The following SNCAIP variants were observed in gnomAD, a reference collection of about 807,000 sequenced individuals.
SNCAIP encodes synuclein alpha interacting protein.
SNCAIP carries 43 observed loss-of-function variants against 86.7 expected under a neutral mutation model. The observed-to-expected ratio is 0.50, with a 90% CI of 0.39 to 0.64. SNCAIP has a LOEUF of 0.64. Ranked by LOEUF, SNCAIP falls within the 30% of genes least tolerant of loss-of-function variation. The pLI is 0.00. For missense variants in SNCAIP, 981 were observed against 1,103.1 expected (o/e 0.89, Z 1.57); for synonymous variants, 417 against 427.2 (o/e 0.98, Z 0.29).
intron 1 of SNCAIP, among the ~76,000 whole-genome samples, chr5:122,369,270 G>A (rs1763804300): frequency 6.6e-6 from 1 of 152,192 alleles, no homozygotes; most frequent in South Asian, 2.1e-4. Flanking sequence ...ATGCCCAAAT[G>A]AAGGCAGTAT....
At chr5:122,373,575 G>A (rs776968613) in intron 1 of SNCAIP, among the ~76,000 whole-genome samples, 20 of 152,278 alleles carry the variant, frequency 1.3e-4, no homozygotes, top group Middle Eastern at 3.4e-3. Flanking sequence ...CATGAGCATC[G>A]TGGGAAACAC....
chr5:122,452,917 C>G (rs1784002781), intron 10 of SNCAIP: 1 of 1,539,052 alleles, frequency 6.5e-7, no homozygotes, highest in Non-Finnish European at 8.8e-7. Context: ...TTAATTGCAC[C>G]TCTCTAGGAA....
At chr5:122,463,432 G>T in intron 10 of SNCAIP, 59 bp from the exon 11 acceptor site, 1 of 988,246 alleles carries the variant, frequency 1.0e-6, no homozygotes, top group Non-Finnish European at 1.6e-6. Flanking sequence ...TAGTGGTATT[G>T]TCTTGTAACT....
At chr5:122,362,846 TGTG>T (rs1191151237) in intron 1 of SNCAIP, among the ~76,000 whole-genome samples, 1 of 152,152 alleles carries the variant, frequency 6.6e-6, no homozygotes, top group African/African-American at 2.4e-5. Context: ...TACAGCAACA[TGTG>T]GTCCAGCTAG....
intron 1 of SNCAIP, among the ~76,000 whole-genome samples, chr5:122,346,414 G>A (rs1758629985): frequency 6.6e-6 from 1 of 152,046 alleles, no homozygotes. Context: ...GATTTGCTCT[G>A]TGTGGCTCTA....
intron 10 of SNCAIP, among the ~76,000 whole-genome samples, chr5:122,458,918 G>A (rs1024859909): frequency 6.6e-6 from 1 of 152,142 alleles, no homozygotes; most frequent in African/African-American, 2.4e-5. Flanking sequence ...TTGGTGCCTG[G>A]TGCATGATAG....
chr5:122,461,672 T>G (rs984757050), intron 10 of SNCAIP, among the ~76,000 whole-genome samples: 8 of 150,216 alleles, frequency 5.3e-5, no homozygotes, highest in African/African-American at 9.8e-5. Context: ...TATAGCTGTT[T>G]TTTTTTTTTT....
At position 122,423,404 on chromosome 5, in the gene SNCAIP, G is replaced by A. The variant is rs199774799; in HGVS notation, c.667G>A (p.Ala223Thr). 1.2e-6 allele frequency: 2 copies of A among 1,613,758 alleles called. No individual in the cohort carries two copies. Among genetic ancestry groups the A allele is most frequent in the Middle Eastern group, 1.7e-4 (1 of 6,060 alleles). ...VKSPHLRKAS[A>T]VIHDQHKLST... Reference sequence around the variant, plus strand: ...AAGCCCTCACTTGAGAAAAGCATCAGCTGTCATCCACGACCAGCACAAGCT... The same window carrying A: ...AAGCCCTCACTTGAGAAAAGCATCAACTGTCATCCACGACCAGCACAAGCT... Residue 223 changes from alanine to threonine, a missense_variant, in exon 4 of 11, where the codon GCT (alanine) becomes ACT (threonine). Ala to Thr is a moderately conservative substitution (Grantham distance 58, BLOSUM62 0). Transcript: ENST00000261368.
At chr5:122,353,328 A>T (rs1760263703) in intron 1 of SNCAIP, among the ~76,000 whole-genome samples, 1 of 152,044 alleles carries the variant, frequency 6.6e-6, no homozygotes, top group Non-Finnish European at 1.5e-5. Context: ...CAGTGACTGA[A>T]ATGGGGCAGA....
chr5:122,386,464 G>A (rs571003631), intron 1 of SNCAIP, among the ~76,000 whole-genome samples: 1 of 152,280 alleles, frequency 6.6e-6, no homozygotes, highest in South Asian at 2.1e-4. Flanking sequence ...GGCACTGGAG[G>A]GACTTCTGCT....
intron 1 of SNCAIP, among the ~76,000 whole-genome samples, chr5:122,358,962 T>A (rs145280259): frequency 6.6e-6 from 1 of 152,190 alleles, no homozygotes; most frequent in South Asian, 2.1e-4. Context: ...CTGAAACAAA[T>A]CACATAGATT....
chr5:122,341,334 C>A (rs1757538274), intron 1 of SNCAIP, among the ~76,000 whole-genome samples: 1 of 152,156 alleles, frequency 6.6e-6, no homozygotes, highest in Admixed American at 6.5e-5. Flanking sequence ...AATGAATCAG[C>A]TACTTTAGTC....
chr5:122,448,617 A>T (rs1782879762), intron 8 of SNCAIP, among the ~76,000 whole-genome samples: 1 of 138,620 alleles, frequency 7.2e-6, no homozygotes, highest in African/African-American at 2.7e-5. Context: ...ATATATTTTT[A>T]TATATATAAT....
chr5:122,406,240 G>T (rs1020396537), intron 3 of SNCAIP, among the ~76,000 whole-genome samples: 4 of 152,144 alleles, frequency 2.6e-5, no homozygotes, highest in African/African-American at 9.7e-5. Context: ...CAGTTCCATA[G>T]GCATCCAGAT....
At chr5:122,416,356 T>C (rs937313242) in intron 3 of SNCAIP, among the ~76,000 whole-genome samples, 1 of 152,218 alleles carries the variant, frequency 6.6e-6, no homozygotes, top group Non-Finnish European at 1.5e-5. Flanking sequence ...GATAGATCGT[T>C]GGCTGGCATT....
intron 2 of SNCAIP, among the ~76,000 whole-genome samples, chr5:122,399,272 G>T (rs929952047): frequency 1.1e-4 from 17 of 152,228 alleles, no homozygotes; most frequent in African/African-American, 4.1e-4. Flanking sequence ...TTTGCAAAAT[G>T]ACTGCATCTA....
intron 10 of SNCAIP, among the ~76,000 whole-genome samples, chr5:122,455,819 G>T (rs373428224): frequency 1.3e-5 from 2 of 152,002 alleles, no homozygotes; most frequent in Admixed American, 1.3e-4. Context: ...TCTTTTCAAT[G>T]CCCTTTAAAA....
intron 3 of SNCAIP, among the ~76,000 whole-genome samples, chr5:122,408,930 G>A (rs1476307112): frequency 1.3e-5 from 2 of 152,182 alleles, no homozygotes; most frequent in South Asian, 2.1e-4. Flanking sequence ...TAAATAATGT[G>A]CACAAAGTTC....
chr5:122,401,560 T>C (rs751560093), intron 2 of SNCAIP, among the ~76,000 whole-genome samples: 3 of 152,260 alleles, frequency 2.0e-5, no homozygotes, highest in Non-Finnish European at 2.9e-5. Flanking sequence ...CTGGATAAAC[T>C]GTCATCTTTT....
Sources: allele counts gnomAD v4.1 joint callset (sites outside exome capture counted in the v4.1 genomes callset), GRCh38; gene constraint gnomAD v4.1.1; transcripts MANE v1.5; gene names NCBI Gene and HGNC (gene_info 2026-07-23, HGNC 2026-07-21).